Variants in PCDHGA5 observed in about 807,000 individuals in gnomAD.
PCDHGA5 encodes protocadherin gamma-A5.
In PCDHGA5, 36 loss-of-function variants were observed where a neutral mutation model predicts 56.7. The observed-to-expected ratio is 0.64, with a 90% confidence interval of 0.49 to 0.84. PCDHGA5 has a LOEUF of 0.84. Among genes scored for constraint, PCDHGA5 ranks in the 40% least tolerant of loss-of-function variants. The pLI, the probability that PCDHGA5 is intolerant of heterozygous loss-of-function variation, is 0.00. For missense variants in PCDHGA5, 1,305 were observed against 1,201.5 expected (o/e 1.09, Z -1.27); for synonymous variants, 563 against 520.2 (o/e 1.08, Z -1.12).
chr5:141,404,973 A>T, intron 1 of PCDHGA5: 1 of 1,613,952 alleles, frequency 6.2e-7, no homozygotes, highest in South Asian at 1.1e-5. Flanking sequence ...ATCCTGGCTG[A>T]CCTGGGCAGT....
At chr5:141,371,046 G>A (rs748244003) in intron 1 of PCDHGA5, 1 of 1,613,962 alleles carries the variant, frequency 6.2e-7, no homozygotes, top group South Asian at 1.1e-5. Context: ...TGTGGATGGG[G>A]GCGAGCCCTC....
At chr5:141,499,399 C>A (rs2099791676) in intron 2 of PCDHGA5, among the ~76,000 whole-genome samples, 1 of 152,072 alleles carries the variant, frequency 6.6e-6, no homozygotes, top group Non-Finnish European at 1.5e-5. Flanking sequence ...ATAGTACATG[C>A]TCATTATAGA....
Position 141,476,292 on chromosome 5 carries a change from G to A in PCDHGA5, c.2422-18515G>A. The A allele has an allele frequency of 1.9e-6, 3 of 1,614,144 alleles. No homozygotes were observed. The highest frequency in any genetic ancestry group is 2.5e-6 in the Non-Finnish European group (3 of 1,180,016). On this transcript the variant is annotated intron_variant, in intron 1 of 3. Transcript: ENST00000518069. This position sits in a 1 kb window ranked among gnomAD's most constrained non-coding sequence, Gnocchi z 7.6. ...GTCGCGAACCTTGGTTTGGATCTCGGTAGCCTCTCAGCCCGCAGGTTCCGG... is the reference window on the plus strand; with the variant it reads ...GTCGCGAACCTTGGTTTGGATCTCGATAGCCTCTCAGCCCGCAGGTTCCGG...
rs1487863444 is a variant in PCDHGA5 at position 141,491,016 on chromosome 5, G to A, written c.2422-3791G>A. On this transcript the variant is annotated intron_variant, in intron 1 of 3. Transcript: ENST00000518069. This position sits in a 1 kb window ranked among gnomAD's most constrained non-coding sequence, Gnocchi z 6.9. ...CTCCTGGCTCCTTGGTCACCAAGGTGACAGCCGTGGATGCTGATGCAGGCC... is the reference window on the plus strand; with the variant it reads ...CTCCTGGCTCCTTGGTCACCAAGGTAACAGCCGTGGATGCTGATGCAGGCC... 2.5e-6 allele frequency: 4 copies of A among 1,614,136 alleles called. No individual in the cohort carries two copies. The African/African-American group carries it at 5.3e-5, about 22-fold the overall frequency.
chr5:141,380,966 T>C (rs890558911), intron 1 of PCDHGA5, among the ~76,000 whole-genome samples: 1 of 152,240 alleles, frequency 6.6e-6, no homozygotes, highest in East Asian at 1.9e-4. Flanking sequence ...AAAAGTACTA[T>C]TAAACAAATA....
intron 1 of PCDHGA5, among the ~76,000 whole-genome samples, chr5:141,446,746 C>T (rs1413869259): frequency 6.6e-6 from 1 of 152,170 alleles, no homozygotes; most frequent in Non-Finnish European, 1.5e-5. Context: ...GGATTACAGG[C>T]GTGAGCCACC....
chr5:141,489,084 C>G lies in PCDHGA5; in HGVS notation c.2422-5723C>G. ...CTCCCCCCTGCCCACCCCCGCCACT[C>G]GGTGACTAAGAACTGCTGCAAGCAG... On this transcript the variant is annotated intron_variant, in intron 1 of 3. Transcript: ENST00000518069. This position sits in a 1 kb window ranked among gnomAD's most constrained non-coding sequence, Gnocchi z 4.5. 6.1e-6 allele frequency: 2 copies of G among 329,126 alleles called. No homozygotes were observed. The highest frequency in any genetic ancestry group is 2.5e-5 in the African/African-American group (1 of 40,384). 20.4% of individuals were successfully genotyped at this position (329,126 alleles called of 1,614,324 possible). A position where few individuals can be genotyped will look rare whatever the true frequency, so the allele number is the denominator to read the frequency against.
In PCDHGA5 at chr5:141,388,566, A is replaced by T. The variant is rs145399301; in HGVS notation, c.2421+21815A>T. ...TCCACCCCTAAGCAGCACTGCACAGATACACGTTCTAGTGACTGATGCCAA... is the reference window on the plus strand; with the variant it reads ...TCCACCCCTAAGCAGCACTGCACAGTTACACGTTCTAGTGACTGATGCCAA... On this transcript the variant is annotated intron_variant, in intron 1 of 3. Transcript: ENST00000518069. 134 of 1,613,852 alleles carry T rather than the reference A, an allele frequency of 8.3e-5. No homozygotes were observed. The East Asian group carries it at 2.4e-3, about 29-fold the overall frequency.
chr5:141,428,846 A>G (rs936271540), intron 1 of PCDHGA5: 1 of 143,414 alleles, frequency 7.0e-6, no homozygotes, highest in Non-Finnish European at 1.5e-5. Flanking sequence ...CATTTTCACC[A>G]TTTTTACGGG....
At position 141,462,908 on chromosome 5, in the gene PCDHGA5, T is replaced by G. The variant is rs186061013; in HGVS notation, c.2422-31899T>G. ...AGTTTGTTTTGGAAGGCTATTATGT[T>G]TTTTGCAGATCAGGTTGATCTTTTC... On this transcript the variant is annotated intron_variant, in intron 1 of 3. Coordinates refer to ENST00000518069, the MANE Select transcript of PCDHGA5 (RefSeq NM_018918.3). Among the ~76,000 whole-genome samples the G allele has an allele frequency of 1.4e-4, 21 of 152,362 alleles. No individual in the cohort carries two copies. The East Asian group carries it at 3.5e-3, about 25-fold the overall frequency.
At chr5:141,422,636 C>T in intron 1 of PCDHGA5, 3 of 1,612,584 alleles carry the variant, frequency 1.9e-6, no homozygotes, top group Non-Finnish European at 2.5e-6. Context: ...CCCAGGGGTG[C>T]CTCCATCTTC....
intron 1 of PCDHGA5, among the ~76,000 whole-genome samples, chr5:141,444,977 T>A (rs2098452876): frequency 1.3e-5 from 2 of 152,200 alleles, no homozygotes; most frequent in South Asian, 4.1e-4. Flanking sequence ...TTCAAATCCA[T>A]GAACATGGTA....
intron 1 of PCDHGA5, chr5:141,384,303 G>C: frequency 6.2e-7 from 1 of 1,613,716 alleles, no homozygotes; most frequent in Non-Finnish European, 8.5e-7. Flanking sequence ...ACCCCAGAGG[G>C]GCCTCCATTT....
At chr5:141,451,179 T>C (rs1039062167) in intron 1 of PCDHGA5, among the ~76,000 whole-genome samples, 6 of 152,162 alleles carry the variant, frequency 3.9e-5, no homozygotes, top group Non-Finnish European at 8.8e-5. Flanking sequence ...TATTTAGCCA[T>C]TGCTGTGTAA....
In PCDHGA5 at chr5:141,431,135, A is replaced by T. The variant is rs140069213; in HGVS notation, c.2422-63672A>T. On this transcript the variant is annotated intron_variant, in intron 1 of 3. Transcript: ENST00000518069. This position sits in a 1 kb window ranked among gnomAD's most constrained non-coding sequence, Gnocchi z 4.8. ...TGGAGTAGAAGTAGAAGTAAGGGAC[A>T]TTAACGACAATGCGCCTTACTTTCG... 1 of 1,614,266 alleles carries T rather than the reference A, an allele frequency of 6.2e-7. No homozygotes were observed. Among genetic ancestry groups the T allele is most frequent in the African/African-American group, 1.3e-5 (1 of 75,078 alleles).
intron 1 of PCDHGA5, among the ~76,000 whole-genome samples, chr5:141,369,925 G>A (rs376465013): frequency 3.9e-5 from 6 of 152,186 alleles, no homozygotes; most frequent in Non-Finnish European, 4.4e-5. Flanking sequence ...AACTAAAAAC[G>A]TGACGGGATT....
At chr5:141,367,805 G>T (rs1765340857) in intron 1 of PCDHGA5, 1 of 152,034 alleles carries the variant, frequency 6.6e-6, no homozygotes. Context: ...TTCTGTTATA[G>T]ATAAACCCTT....
At chr5:141,508,096 G>A (rs1489615862) in intron 3 of PCDHGA5, 1 of 152,476 alleles carries the variant, frequency 6.6e-6, no homozygotes, top group African/African-American at 2.4e-5. Context: ...CCTTGGCCCT[G>A]GGATGGGGTA....
intron 2 of PCDHGA5, 114 bp from the exon 3 acceptor site, chr5:141,505,279 C>T: frequency 6.5e-7 from 1 of 1,541,274 alleles, no homozygotes; most frequent in Non-Finnish European, 8.7e-7. Context: ...AGAAACAGGT[C>T]TTGGGCATGG....
Sources: gnomAD v4.1 joint callset for allele counts (sites outside exome capture counted in the v4.1 genomes callset) on GRCh38, gnomAD v4.1.1 for gene constraint, Gnocchi (gnomAD v3.1) non-coding constraint, MANE v1.5 for transcripts, NCBI Gene and HGNC (gene_info 2026-07-23, HGNC 2026-07-21) for gene names.